The following MROH7 variants were observed in gnomAD, a reference collection of about 807,000 sequenced individuals.
The protein encoded by MROH7 is maestro heat-like repeat-containing protein family member 7.
A neutral mutation model predicts 129.2 loss-of-function variants in MROH7; 113 were observed. The observed-to-expected ratio is 0.87, with a 90% CI of 0.75 to 1.02. The LOEUF (loss-of-function observed/expected upper bound fraction) is 1.02, where lower values mean the gene tolerates loss of function less well. MROH7 is among the 50% of genes least tolerant of loss of function. The pLI is 0.00. For missense variants in MROH7, 1,601 were observed against 1,671.3 expected, an observed-to-expected ratio of 0.96 and a Z score of 0.73; for synonymous variants, 655 against 667.9, an observed-to-expected ratio of 0.98 and a Z score of 0.30.
chr1:54,696,596 G>A (rs1252300801), intron 17 of MROH7, among the ~76,000 whole-genome samples: 3 of 139,782 alleles, frequency 2.1e-5, no homozygotes, highest in Non-Finnish European at 4.6e-5. Context: ...GTGCCTGGCT[G>A]TTTCCCTAAA....
chr1:54,706,972 TCA>T (rs1473345252), intron 22 of MROH7, among the ~76,000 whole-genome samples: 1 of 152,192 alleles, frequency 6.6e-6, no homozygotes, highest in Non-Finnish European at 1.5e-5. Context: ...CCACTGAGCC[TCA>T]GTTTCCTCAT....
chr1:54,662,700 C>T (rs1049702837), intron 3 of MROH7, among the ~76,000 whole-genome samples: 7 of 152,036 alleles, frequency 4.6e-5, no homozygotes, highest in African/African-American at 1.4e-4. Context: ...TACTGATACA[C>T]AGCTACCATA....
chr1:54,643,283 G>A lies in MROH7; in HGVS notation c.-110+1315G>A, dbSNP rs190043032. Among the ~76,000 whole-genome samples, 72 of 152,308 alleles carry A rather than the reference G, an allele frequency of 4.7e-4. 1 individual carries two copies. The highest frequency in any genetic ancestry group is 1.2e-4 in the Non-Finnish European group (8 of 68,020). ...TGACTAGACTAGATGTTAGCCAGAG[G>A]GAGCAATTGAAGTTTAGGTGAATAG... is the stretch of plus-strand genomic sequence containing the variant. On this transcript the variant is annotated intron_variant, in intron 1 of 23. Coordinates refer to ENST00000421030, the MANE Select transcript of MROH7 (RefSeq NM_001039464.4).
In MROH7 at chr1:54,709,559, T is replaced by A. The variant is rs1645590731; in HGVS notation, c.3731-387T>A. Among the ~76,000 whole-genome samples the A allele has an allele frequency of 5.3e-5, 8 of 152,074 alleles. No individual in the cohort carries two copies. The South Asian group carries it at 1.7e-3, about 32-fold the overall frequency. On this transcript the variant is annotated intron_variant, in intron 23 of 23. Transcript: ENST00000421030. ...AATCCAGGTTTAGTATAGCATTAAG[T>A]ACCACTGGGTTACCAAGAGACAGAA... is the stretch of plus-strand genomic sequence containing the variant.
At chr1:54,695,564 T>G in intron 17 of MROH7, 74 bp downstream of exon 17, 2 of 889,924 alleles carry the variant, frequency 2.2e-6, no homozygotes, top group Non-Finnish European at 3.7e-6. Flanking sequence ...TCATTTCTCC[T>G]ATGTAAACAG....
At chr1:54,663,707 A>C (rs1349743526) in intron 3 of MROH7, 4 of 414,726 alleles carry the variant, frequency 9.6e-6, no homozygotes, top group African/African-American at 8.5e-5. Context: ...AAAAACAAAA[A>C]AAAAACAAGC....
At chr1:54,680,366 C>T (rs1487583247) in intron 13 of MROH7, among the ~76,000 whole-genome samples, 2 of 152,204 alleles carry the variant, frequency 1.3e-5, no homozygotes, top group East Asian at 3.9e-4. Context: ...TAACTAACTA[C>T]CAGCCCAGAG....
intron 17 of MROH7, chr1:54,697,547 C>G (rs1645343048): frequency 3.3e-6 from 2 of 601,400 alleles, no homozygotes; most frequent in East Asian, 5.6e-5. Context: ...ATTTCCCTGA[C>G]CATGGTGAGG....
chr1:54,653,624 C>T lies in MROH7; in HGVS notation c.698C>T (p.Ala233Val), dbSNP rs774912695. The T allele has an allele frequency of 1.9e-6, 3 of 1,614,052 alleles. No homozygotes were observed. The highest frequency in any genetic ancestry group is 1.1e-5 in the South Asian group (1 of 91,078). ...RNTSKLNLNV[A>V]PDSHGTLIPD... ...ACCTCCAAGCTGAACCTGAATGTAG[C>T]TCCAGATTCTCATGGGACCCTAATC... is the stretch of plus-strand genomic sequence containing the variant. Residue 233 changes from alanine to valine, a missense_variant, in exon 3 of 24, where the codon GCT becomes GTT. Coordinates refer to ENST00000421030, the MANE Select transcript of MROH7 (RefSeq NM_001039464.4).
chr1:54,700,020 C>G (rs1306378363), intron 17 of MROH7: 5 of 635,318 alleles, frequency 7.9e-6, no homozygotes, highest in Non-Finnish European at 1.5e-5. Flanking sequence ...AGCTGGCTGG[C>G]TGGTGGTGAG....
chr1:54,679,229 T>C, intron 11 of MROH7, 34 bp from the exon 12 acceptor site: 1 of 1,612,070 alleles, frequency 6.2e-7, no homozygotes, highest in Non-Finnish European at 8.5e-7. Flanking sequence ...GGGCTACCCA[T>C]CAGTGTGTCA....
In MROH7 at chr1:54,654,106, A is replaced by G. The variant is rs776615355; in HGVS notation, c.1180A>G (p.Ile394Val). ...KVGQFPLGFP[I>V]SNPAGKDAVT... ...GGGCCAGTTCCCGCTGGGATTCCCC[A>G]TCTCCAACCCCGCAGGCAAGGACGC... Residue 394 changes from isoleucine to valine, a missense_variant, in exon 3 of 24, where the codon ATC becomes GTC. Transcript: ENST00000421030. The G allele has an allele frequency of 1.9e-6, 3 of 1,613,932 alleles. No homozygotes were observed. The highest frequency in any genetic ancestry group is 2.2e-5 in the South Asian group (2 of 91,018).
intron 18 of MROH7, among the ~76,000 whole-genome samples, chr1:54,700,922 G>C (rs535647656): frequency 6.6e-6 from 1 of 152,378 alleles, no homozygotes; most frequent in African/African-American, 2.4e-5. Context: ...AGACAGCAAA[G>C]GGCCTCAGGG....
In MROH7 at chr1:54,692,430, G is replaced by A. The variant is rs1214367964; in HGVS notation, c.2718G>A (p.Val906=). 1.2e-6 allele frequency: 2 copies of A among 1,614,106 alleles called. No homozygotes were observed. ...QPSPFVPVRW[V]VKVVKTLLLR... is the part of the protein sequence containing the mutation. ...AATTGCCTTGTCTTGGCAGCTGGGT[G>A]GTGAAAGTGGTGAAAACCCTGCTAC... Residue 906 remains valine (V), a synonymous_variant, in exon 16 of 24, where the codon GTG becomes GTA. Transcript: ENST00000421030.
At chr1:54,661,689 G>C (rs946487037) in intron 3 of MROH7, among the ~76,000 whole-genome samples, 4 of 151,918 alleles carry the variant, frequency 2.6e-5, no homozygotes, top group Non-Finnish European at 5.9e-5. Context: ...TCTGCCTCCT[G>C]GGTTCAAGTG....
At chr1:54,696,659 C>CTTTTTTTTTTTTTT (rs1157748080) in intron 17 of MROH7, among the ~76,000 whole-genome samples, 2 of 66,882 alleles carry the variant, frequency 3.0e-5, no homozygotes, top group African/African-American at 6.8e-5. Flanking sequence ...AATTTCCTTA[C>CTTTTTTTTTTTTTT]TTTTTTTTTT....
At chr1:54,666,425 AT>A (rs71048704) in intron 4 of MROH7, among the ~76,000 whole-genome samples, 29,239 of 67,788 alleles carry the variant, frequency 0.43, 6,130 homozygotes, top group Middle Eastern at 0.59. Flanking sequence ...GAGAAGAGGA[AT>A]TTTTTTTTTT....
intron 3 of MROH7, 66 bp downstream of exon 3, chr1:54,654,223 G>A (rs1644606010): frequency 2.1e-6 from 3 of 1,445,722 alleles, no homozygotes; most frequent in South Asian, 1.4e-5. Flanking sequence ...CAGACTCTTA[G>A]GGCAGGGAGA....
intron 1 of MROH7, chr1:54,651,218 C>T (rs752467): frequency 0.3 from 45,451 of 152,174 alleles, 7,072 homozygotes; most frequent in South Asian, 0.51. Flanking sequence ...TACTGTGTGC[C>T]AGGTGCTATA....
Sources: gnomAD v4.1 joint callset for allele counts (sites outside exome capture counted in the v4.1 genomes callset) on GRCh38, gnomAD v4.1.1 for gene constraint, MANE v1.5 for transcripts, NCBI Gene and HGNC (gene_info 2026-07-23, HGNC 2026-07-21) for gene names.